ANGPTL2: variants seen among roughly 807,000 people sequenced by gnomAD.
ANGPTL2 encodes angiopoietin-related protein 2.
A neutral mutation model predicts 52.8 loss-of-function variants in ANGPTL2; 25 were observed. The ratio of observed to expected loss-of-function variants is 0.47; its 90% CI spans 0.35 to 0.66. The LOEUF (loss-of-function observed/expected upper bound fraction) is 0.66. Among genes scored for constraint, ANGPTL2 ranks in the 30% least tolerant of loss-of-function variants. The pLI, the probability that ANGPTL2 is intolerant of heterozygous loss-of-function variation, is 0.01. For synonymous variants in ANGPTL2, 276 were observed against 277.4 expected (o/e 1.00, Z 0.05); for missense variants, 546 against 656.9 (o/e 0.83, Z 1.84).
chr9:127,100,460 T>C (rs562368352), intron 2 of ANGPTL2, among the ~76,000 whole-genome samples: 1 of 152,322 alleles, frequency 6.6e-6, no homozygotes, highest in East Asian at 1.9e-4. Context: ...CCACCAGCGC[T>C]GTTGGGCAGG....
chr9:127,091,663 T>C lies in ANGPTL2; in HGVS notation c.1282+7A>G, dbSNP rs778519705. On this transcript the variant is annotated splice_region_variant and intron_variant, in intron 4 of 4. Transcript: ENST00000373425. This position sits in a 1 kb window ranked among gnomAD's most constrained non-coding sequence, Gnocchi z 4.3. ...CCTGCACCTGGGTTTGACTCCACTTTTCCTACCTGTGTAGACATCATGATC... is the reference window on the plus strand; with the variant it reads ...CCTGCACCTGGGTTTGACTCCACTTCTCCTACCTGTGTAGACATCATGATC... 1 of 1,610,992 alleles carries C rather than the reference T, an allele frequency of 6.2e-7. No individual in the cohort carries two copies. The highest frequency in any genetic ancestry group is 2.2e-5 in the East Asian group (1 of 44,794).
intron 2 of ANGPTL2, among the ~76,000 whole-genome samples, chr9:127,104,930 A>G (rs2054073715): frequency 6.6e-6 from 1 of 152,214 alleles, no homozygotes; most frequent in Admixed American, 6.5e-5. Context: ...AACCTGCCCC[A>G]AGCTCTCTGA....
chr9:127,113,271 C>T (rs2055037911), intron 1 of ANGPTL2, among the ~76,000 whole-genome samples: 1 of 152,164 alleles, frequency 6.6e-6, no homozygotes, highest in African/African-American at 2.4e-5. Context: ...CCAAAGGTGA[C>T]TGAGCCTAGG....
At position 127,122,082 on chromosome 9, in the gene ANGPTL2, A is replaced by T. The variant is rs541062328; in HGVS notation, c.-50+233T>A. On this transcript the variant is annotated intron_variant, in intron 1 of 4. Transcript: ENST00000373425. The surrounding 1 kb of genome is among the most constrained non-coding windows in gnomAD (Gnocchi z 6.4). ...CAAAAGAGGAGAGTGAGGCTTACTC[A>T]TGAAGTCCTCGAGATGCCAGCCCAT... Among the ~76,000 whole-genome samples the T allele has an allele frequency of 4.6e-5, 7 of 152,262 alleles. No individual in the cohort carries two copies. Among genetic ancestry groups the T allele is most frequent in the Non-Finnish European group, 8.8e-5 (6 of 68,014 alleles).
At chr9:127,092,066 G>T (rs2052551323) in intron 3 of ANGPTL2, 126 bp from the exon 4 acceptor site, 47 of 1,138,658 alleles carry the variant, frequency 4.1e-5, no homozygotes, top group Non-Finnish European at 5.8e-5. Flanking sequence ...AGCAGACCTG[G>T]TTCAGACCCC....
chr9:127,094,391 T>C (rs1344007240), intron 2 of ANGPTL2, among the ~76,000 whole-genome samples: 1 of 150,232 alleles, frequency 6.7e-6, no homozygotes, highest in Non-Finnish European at 1.5e-5. Flanking sequence ...GCTTTGCTTC[T>C]GCAAGGAAAC....
intron 2 of ANGPTL2, among the ~76,000 whole-genome samples, chr9:127,103,044 T>A (rs1472874789): frequency 6.6e-6 from 1 of 152,202 alleles, no homozygotes; most frequent in African/African-American, 2.4e-5. Context: ...CTCTCTGCAG[T>A]GCTTGGGCCT....
At chr9:127,095,494 A>G (rs1264295195) in intron 2 of ANGPTL2, among the ~76,000 whole-genome samples, 1 of 152,252 alleles carries the variant, frequency 6.6e-6, no homozygotes, top group African/African-American at 2.4e-5. Context: ...ATCAATTTGT[A>G]TGTTTATTCA....
chr9:127,106,413 C>T (rs529671717), intron 2 of ANGPTL2, among the ~76,000 whole-genome samples: 1 of 152,316 alleles, frequency 6.6e-6, no homozygotes, highest in East Asian at 1.9e-4. Context: ...GATGAAAAGA[C>T]CTAGATCAAA....
In ANGPTL2 at chr9:127,122,165, G is replaced by A. The variant is rs193284990; in HGVS notation, c.-50+150C>T. On this transcript the variant is annotated intron_variant, in intron 1 of 4. Transcript: ENST00000373425. This position sits in a 1 kb window ranked among gnomAD's most constrained non-coding sequence, Gnocchi z 6.4. ...ACAGGTTCTGCCCCGGACATGCCTC[G>A]TTTGGCTCCAAGCGATAGCAGGGAG... The A allele has an allele frequency of 5.1e-4, 77 of 152,290 alleles. No homozygotes were observed. The East Asian group carries it at 0.01, about 20-fold the overall frequency. The allele number at this position is 152,290 out of a possible 1,614,324, so 9.4% of individuals were successfully genotyped here.
intron 2 of ANGPTL2, among the ~76,000 whole-genome samples, chr9:127,098,629 C>G (rs917831355): frequency 2.0e-5 from 3 of 152,076 alleles, no homozygotes; most frequent in Non-Finnish European, 4.4e-5. Context: ...ACTGCCATAC[C>G]CTGGTAAGTG....
At chr9:127,115,911 G>A (rs2055361713) in intron 1 of ANGPTL2, among the ~76,000 whole-genome samples, 3 of 152,204 alleles carry the variant, frequency 2.0e-5, no homozygotes, top group Non-Finnish European at 2.9e-5. Context: ...CGGAGGCCAG[G>A]GAGGGCATAT....
rs1482413241 is a variant in ANGPTL2, at chr9:127,091,780, T to A, written c.1172A>T (p.Glu391Val). Residue 391 changes from glutamate (E) to valine (V), a missense_variant, in exon 4 of 5, where the codon GAG becomes GTG. Physicochemically the swap from Glu to Val is moderately radical, Grantham distance 121 (BLOSUM62 -2). Transcript: ENST00000373425. This position sits in a 1 kb window ranked among gnomAD's most constrained non-coding sequence, Gnocchi z 4.3. The stretch of plus-strand genomic sequence containing the variant: ...GCGCCCCAGCCGCAGCTTATAATAC[T>A]CGCTCTCAGGTTCCAGGCGGAAACT... ...YASFRLEPESEYYKLRLGRYH... is the reference protein window; with the variant it reads ...YASFRLEPESVYYKLRLGRYH... 6.2e-7 allele frequency: 1 copy of A among 1,614,048 alleles called. No individual in the cohort carries two copies. Among genetic ancestry groups the A allele is most frequent in the Non-Finnish European group, 8.5e-7 (1 of 1,180,036 alleles).
intron 1 of ANGPTL2, among the ~76,000 whole-genome samples, chr9:127,111,992 A>G (rs1250474202): frequency 6.6e-6 from 1 of 152,150 alleles, no homozygotes; most frequent in Non-Finnish European, 1.5e-5. Flanking sequence ...TCCTCCCTGA[A>G]CCCCTTTGGG....
At chr9:127,103,051 G>A (rs2053886997) in intron 2 of ANGPTL2, among the ~76,000 whole-genome samples, 1 of 152,170 alleles carries the variant, frequency 6.6e-6, no homozygotes, top group African/African-American at 2.4e-5. Flanking sequence ...CAGTGCTTGG[G>A]CCTGGATGCC....
intron 2 of ANGPTL2, among the ~76,000 whole-genome samples, chr9:127,099,040 G>A (rs1350989963): frequency 1.3e-5 from 2 of 152,236 alleles, no homozygotes; most frequent in Non-Finnish European, 2.9e-5. Flanking sequence ...CAAGAGGGAT[G>A]CCTCTTCTCT....
chr9:127,106,377 T>C (rs2054217007), intron 2 of ANGPTL2, among the ~76,000 whole-genome samples: 1 of 152,242 alleles, frequency 6.6e-6, no homozygotes, highest in Non-Finnish European at 1.5e-5. Context: ...AAAAAGGGAC[T>C]GTTTATTTCA....
chr9:127,106,556 C>G (rs1169850835), intron 2 of ANGPTL2, among the ~76,000 whole-genome samples: 2 of 152,188 alleles, frequency 1.3e-5, no homozygotes, highest in Non-Finnish European at 2.9e-5. Flanking sequence ...CTCAGGGGGA[C>G]AAAGTGACTT....
chr9:127,105,085 C>G (rs1046042892), intron 2 of ANGPTL2, among the ~76,000 whole-genome samples: 1 of 152,182 alleles, frequency 6.6e-6, no homozygotes, highest in African/African-American at 2.4e-5. Context: ...TGGGCTCTGT[C>G]TACCCATTCA....
Sources: allele counts gnomAD v4.1 joint callset (sites outside exome capture counted in the v4.1 genomes callset), GRCh38; gene constraint gnomAD v4.1.1; non-coding constraint Gnocchi (gnomAD v3.1); transcripts MANE v1.5; gene names NCBI Gene and HGNC (gene_info 2026-07-23, HGNC 2026-07-21).